The following XYLB variants were observed in gnomAD, a reference collection of about 807,000 sequenced individuals.
The protein encoded by XYLB is xylulokinase, also known as xylulose kinase.
XYLB carries 62 observed loss-of-function variants against 78.7 expected under a neutral mutation model. That is an observed-to-expected ratio of 0.79 (90% confidence interval 0.64 to 0.97). The LOEUF (loss-of-function observed/expected upper bound fraction) is 0.97. Ranked by LOEUF, XYLB falls within the 50% of genes least tolerant of loss-of-function variation. The pLI is 0.00. For missense variants in XYLB, 687 were observed against 676.8 expected, an observed-to-expected ratio of 1.02 and a Z score of -0.17; for synonymous variants, 245 against 247.4, an observed-to-expected ratio of 0.99 and a Z score of 0.09.
At chr3:38,431,012 T>G in the XYLB span, among the ~76,000 whole-genome samples, 65 of 152,330 alleles carry the variant, frequency 4.3e-4, no homozygotes, top group African/African-American at 1.1e-3. Flanking sequence ...TTGTTCTTTT[T>G]GCTTAGGATT....
chr3:38,383,858 A>C (rs990505242), intron 15 of XYLB, among the ~76,000 whole-genome samples: 2 of 152,118 alleles, frequency 1.3e-5, no homozygotes, highest in African/African-American at 2.4e-5. Flanking sequence ...TCATTTAGGG[A>C]CATTTTCTCC....
chr3:38,366,196 A>G (rs1408234474), intron 6 of XYLB, among the ~76,000 whole-genome samples: 1 of 151,948 alleles, frequency 6.6e-6, no homozygotes, highest in Non-Finnish European at 1.5e-5. Flanking sequence ...TGATTAGGCC[A>G]GCTTGGGTTA....
chr3:38,435,054 T>A, the XYLB span, among the ~76,000 whole-genome samples: 1 of 152,142 alleles, frequency 6.6e-6, no homozygotes, highest in Non-Finnish European at 1.5e-5. Context: ...GAGAATCACT[T>A]GAACCCAGGA....
chr3:38,366,903 G>T, intron 7 of XYLB, 30 bp downstream of exon 7: 2 of 1,465,446 alleles, frequency 1.4e-6, no homozygotes, highest in Non-Finnish European at 1.9e-6. Flanking sequence ...TTGATTGAAA[G>T]TCACAGTTGA....
chr3:38,358,319 G>T (rs1235429130), intron 2 of XYLB, among the ~76,000 whole-genome samples: 82 of 42,738 alleles, frequency 1.9e-3, no homozygotes, highest in African/African-American at 4.2e-3. Flanking sequence ...TTGTGTGTGT[G>T]TGTGTGTGTG....
intron 15 of XYLB, among the ~76,000 whole-genome samples, chr3:38,391,999 A>G (rs1176988337): frequency 1.3e-5 from 2 of 152,008 alleles, no homozygotes; most frequent in Non-Finnish European, 2.9e-5. Flanking sequence ...CAGTCCCCCC[A>G]TGCACCCTCC....
intron 16 of XYLB, 96 bp from the exon 17 acceptor site, chr3:38,396,976 A>C: frequency 1.6e-6 from 2 of 1,217,572 alleles, no homozygotes; most frequent in Non-Finnish European, 2.4e-6. Flanking sequence ...GGGTCAGAAG[A>C]CATATGAGGG....
At chr3:38,388,191 T>A (rs974767751) in intron 15 of XYLB, among the ~76,000 whole-genome samples, 3 of 136,216 alleles carry the variant, frequency 2.2e-5, no homozygotes, top group African/African-American at 2.7e-5. Flanking sequence ...TTTTTTTTTT[T>A]ACTTTTATCA....
At chr3:38,422,060 A>C (rs146332929), downstream of XYLB, among the ~76,000 whole-genome samples, 193 of 152,342 alleles carry the variant, frequency 1.3e-3, no homozygotes, top group Admixed American at 0.012. Context: ...CTTTTAAAAT[A>C]CTTAAAGAAT....
chr3:38,354,991 TTG>T (rs1705571130), intron 2 of XYLB, among the ~76,000 whole-genome samples: 1 of 152,234 alleles, frequency 6.6e-6, no homozygotes, highest in Admixed American at 6.5e-5. Flanking sequence ...CTTTGGTAGA[TTG>T]CACAAATGAC....
chr3:38,362,013 G>A (rs1044031779), intron 3 of XYLB, among the ~76,000 whole-genome samples: 3 of 152,170 alleles, frequency 2.0e-5, no homozygotes, highest in African/African-American at 7.2e-5. Context: ...TGCTAGAAAG[G>A]AGGGTCCAAC....
At chr3:38,410,021 T>A (rs1708505825) in intron 18 of XYLB, among the ~76,000 whole-genome samples, 1 of 152,162 alleles carries the variant, frequency 6.6e-6, no homozygotes, top group Non-Finnish European at 1.5e-5. Context: ...TTCACAGAAT[T>A]GGAAAATACT....
At chr3:38,425,593 A>G (rs1465987289), downstream of XYLB, among the ~76,000 whole-genome samples, 1 of 152,264 alleles carries the variant, frequency 6.6e-6, no homozygotes, top group Non-Finnish European at 1.5e-5. Flanking sequence ...ACAGAAGCAG[A>G]ACAACTGGTT....
At chr3:38,415,730 C>A (rs938458636), downstream of XYLB, among the ~76,000 whole-genome samples, 2 of 151,970 alleles carry the variant, frequency 1.3e-5, no homozygotes, top group African/African-American at 4.8e-5. Context: ...TGCAGTGAGC[C>A]GAGATTGTGC....
At chr3:38,411,074 A>C (rs1420592467) in intron 18 of XYLB, among the ~76,000 whole-genome samples, 3 of 152,220 alleles carry the variant, frequency 2.0e-5, no homozygotes, top group Non-Finnish European at 4.4e-5. Context: ...ATAAAGACAC[A>C]TGCAGACATA....
At chr3:38,434,185 T>C in the XYLB span, among the ~76,000 whole-genome samples, 3 of 152,188 alleles carry the variant, frequency 2.0e-5, no homozygotes, top group Non-Finnish European at 4.4e-5. Flanking sequence ...GGTCCTGCCT[T>C]TGACATGTGG....
intron 18 of XYLB, among the ~76,000 whole-genome samples, chr3:38,401,632 G>T (rs940326055): frequency 3.9e-5 from 6 of 152,082 alleles, no homozygotes; most frequent in Non-Finnish European, 7.4e-5. Context: ...TGGTCTAAGG[G>T]GCTGGGCCTT....
chr3:38,403,930 GAC>G (rs1381620411), intron 18 of XYLB, among the ~76,000 whole-genome samples: 1 of 151,994 alleles, frequency 6.6e-6, no homozygotes, highest in Non-Finnish European at 1.5e-5. Context: ...TGCAAGCAGT[GAC>G]AGTCTATATG....
Position 38,365,177 on chromosome 3 carries a change from A to G in XYLB, c.292-22A>G, listed in dbSNP as rs777598792. The G allele has an allele frequency of 3.7e-6, 6 of 1,612,964 alleles. No individual in the cohort carries two copies. The Admixed American group carries it at 1.0e-4, about 27-fold the overall frequency. On this transcript the variant is annotated intron_variant, in intron 4 of 18. Coordinates refer to ENST00000207870, the MANE Select transcript of XYLB (RefSeq NM_005108.4). Reference sequence around the variant, plus strand: ...GACACTGGTGTGTGGTCATGTGACCATGTGCTTGGGTTTCCCAACAGCAAC... The same window carrying G: ...GACACTGGTGTGTGGTCATGTGACCGTGTGCTTGGGTTTCCCAACAGCAAC...
Sources: allele counts gnomAD v4.1 joint callset (sites outside exome capture counted in the v4.1 genomes callset), GRCh38; gene constraint gnomAD v4.1.1; transcripts MANE v1.5; gene names NCBI Gene and HGNC (gene_info 2026-07-23, HGNC 2026-07-21).